ZDHHC15: variants seen among roughly 807,000 people sequenced by gnomAD.
The protein encoded by ZDHHC15 is zDHHC palmitoyltransferase 15, also known as palmitoyltransferase ZDHHC15.
In ZDHHC15, 19 loss-of-function variants were observed where a neutral mutation model predicts 31.7. That is an observed-to-expected ratio of 0.60 (90% CI 0.42 to 0.88). The LOEUF is 0.88. ZDHHC15 is among the 40% of genes least tolerant of loss of function. The pLI is 0.00. For missense variants in ZDHHC15, 209 were observed against 251.2 expected (o/e 0.83, Z 1.14); for synonymous variants, 103 against 90.0 (o/e 1.14, Z -0.82).
chrX:75,392,425 G>A (rs1464233774), intron 10 of ZDHHC15, among the ~76,000 whole-genome samples: 2 of 111,646 alleles, frequency 1.8e-5, no homozygotes, highest in Non-Finnish European at 3.8e-5. Flanking sequence ...ATCTCCTTTG[G>A]CAACACTGTC....
Position 75,384,272 on chromosome X carries a change from A to G in ZDHHC15, c.968-5074T>C, listed in dbSNP as rs904005814. On this transcript the variant is annotated intron_variant, in intron 10 of 11. Coordinates refer to ENST00000373367, the MANE Select transcript of ZDHHC15 (RefSeq NM_144969.3). ...GTAAAATGTTAGTATAGGCCAAGGT[A>G]TCTTGAATTCCTATATAGAAAGCTG... 1.3e-5 allele frequency: 7 copies of G among 533,230 alleles called. No individual in the cohort carries two copies. The African/African-American group carries it at 1.6e-4, about 12-fold the overall frequency. The allele number at this position is 533,230 out of a possible 1,213,427, so 43.9% of individuals were successfully genotyped here.
intron 2 of ZDHHC15, among the ~76,000 whole-genome samples, chrX:75,487,729 A>G (rs1411422925): frequency 8.9e-6 from 1 of 112,256 alleles, no homozygotes; most frequent in East Asian, 2.8e-4. Flanking sequence ...TTATTAAGCT[A>G]CTCAAGGAGG....
At chrX:75,464,021 A>C (rs1276938394) in intron 3 of ZDHHC15, among the ~76,000 whole-genome samples, 1 of 111,962 alleles carries the variant, frequency 8.9e-6, no homozygotes, top group African/African-American at 3.3e-5. Flanking sequence ...AAAAGCAAAG[A>C]CTTGGAACCA....
At chrX:75,519,739 A>G (rs2085417572) in intron 1 of ZDHHC15, among the ~76,000 whole-genome samples, 1 of 112,009 alleles carries the variant, frequency 8.9e-6, no homozygotes, top group Non-Finnish European at 1.9e-5. Context: ...CTGGATTTCC[A>G]ACTCTTCACT....
intron 9 of ZDHHC15, among the ~76,000 whole-genome samples, chrX:75,419,752 T>C (rs1174325489): frequency 1.8e-5 from 2 of 108,894 alleles, no homozygotes; most frequent in Non-Finnish European, 1.9e-5. Context: ...ATATACACCA[T>C]GGAATACTAT....
At chrX:75,423,657 T>G (rs2083677017) in intron 8 of ZDHHC15, among the ~76,000 whole-genome samples, 1 of 103,610 alleles carries the variant, frequency 9.7e-6, no homozygotes, top group Admixed American at 1.1e-4. Context: ...CAGCTAATTA[T>G]TTTTATTTTT....
At chrX:75,405,144 G>A (rs961124326) in intron 10 of ZDHHC15, among the ~76,000 whole-genome samples, 6 of 111,566 alleles carry the variant, frequency 5.4e-5, no homozygotes, top group African/African-American at 2.0e-4. Flanking sequence ...ACCAAATACT[G>A]CATGTTCTCA....
rs144863899 is a variant in ZDHHC15, at chrX:75,500,049, A to G, written c.163+5772T>C. ...CTCAGAAATAGAAAACCAAACATCT[A>G]TGTTTTCAGTTATAAGTGGGAGCTA... On this transcript the variant is annotated intron_variant, in intron 2 of 11. Transcript: ENST00000373367. 8.5e-3 allele frequency among the ~76,000 whole-genome samples: 943 copies of G among 111,354 alleles called. 14 individuals carry two copies. Among genetic ancestry groups the G allele is most frequent in the African/African-American group, 0.03 (908 of 30,703 alleles).
intron 2 of ZDHHC15, among the ~76,000 whole-genome samples, chrX:75,492,263 G>A (rs2148013560): frequency 9.0e-6 from 1 of 111,588 alleles, no homozygotes; most frequent in Admixed American, 9.5e-5. Flanking sequence ...CAATACAGGA[G>A]CACCCAGATT....
At chrX:75,475,507 G>T (rs1396256533) in intron 3 of ZDHHC15, among the ~76,000 whole-genome samples, 1 of 112,038 alleles carries the variant, frequency 8.9e-6, no homozygotes, top group Non-Finnish European at 1.9e-5. Context: ...TTTTAGCATG[G>T]TTGTTGAAGA....
Position 75,494,293 on chromosome X carries a change from C to T in ZDHHC15, c.163+11528G>A, listed in dbSNP as rs1186912966. 1.8e-5 allele frequency among the ~76,000 whole-genome samples: 2 copies of T among 111,485 alleles called. 1 individual carries two copies. The highest frequency in any genetic ancestry group is 6.5e-5 in the African/African-American group (2 of 30,646). ...TCAATGAAATAAAAGAGGATACAAA[C>T]AAATGGAAGAACATTCCATGCTCAT... is the stretch of plus-strand genomic sequence containing the variant. On this transcript the variant is annotated intron_variant, in intron 2 of 11. Transcript: ENST00000373367.
At chrX:75,408,872 TA>T (rs1441109786) in intron 10 of ZDHHC15, among the ~76,000 whole-genome samples, 1 of 112,001 alleles carries the variant, frequency 8.9e-6, no homozygotes, top group Admixed American at 9.4e-5. Flanking sequence ...ATAAAATACC[TA>T]GGAATTAATT....
chrX:75,464,633 C>A (rs1026548626), intron 3 of ZDHHC15, among the ~76,000 whole-genome samples: 5 of 110,879 alleles, frequency 4.5e-5, no homozygotes, highest in Non-Finnish European at 9.4e-5. Context: ...TGGCTTCATC[C>A]CCAGATACAA....
chrX:75,489,528 G>T (rs1380180759), intron 2 of ZDHHC15, among the ~76,000 whole-genome samples: 2 of 112,039 alleles, frequency 1.8e-5, no homozygotes, highest in Non-Finnish European at 3.8e-5. Flanking sequence ...GCAGCTGAGG[G>T]TCCTCACTGT....
At chrX:75,501,272 A>G (rs1247691453) in intron 2 of ZDHHC15, among the ~76,000 whole-genome samples, 1 of 111,321 alleles carries the variant, frequency 9.0e-6, no homozygotes, top group Non-Finnish European at 1.9e-5. Flanking sequence ...TGTTCCCACA[A>G]AAGACATGAT....
At chrX:75,377,550 T>A (rs1360745106) in intron 11 of ZDHHC15, among the ~76,000 whole-genome samples, 3 of 110,615 alleles carry the variant, frequency 2.7e-5, no homozygotes, top group Non-Finnish European at 3.8e-5. Context: ...ACAAAATGAA[T>A]CACTTTATTA....
chrX:75,408,395 A>G (rs923842482), intron 10 of ZDHHC15, among the ~76,000 whole-genome samples: 10 of 111,298 alleles, frequency 9.0e-5, no homozygotes, highest in African/African-American at 3.3e-4. Flanking sequence ...TTGATAGAAT[A>G]CAAGTTCCCT....
At chrX:75,463,708 C>T (rs957037733) in intron 3 of ZDHHC15, among the ~76,000 whole-genome samples, 22 of 111,641 alleles carry the variant, frequency 2.0e-4, no homozygotes, top group Non-Finnish European at 4.1e-4. Context: ...TCATCACTGG[C>T]CATCAGAGAA....
chrX:75,443,055 T>C (rs1341394225), intron 4 of ZDHHC15, among the ~76,000 whole-genome samples: 2 of 109,278 alleles, frequency 1.8e-5, no homozygotes, highest in Non-Finnish European at 3.8e-5. Flanking sequence ...AATTTATAGA[T>C]TCAATGCCAT....
Sources: gnomAD v4.1 joint callset for allele counts (sites outside exome capture counted in the v4.1 genomes callset) on GRCh38, gnomAD v4.1.1 for gene constraint, MANE v1.5 for transcripts, NCBI Gene and HGNC (gene_info 2026-07-23, HGNC 2026-07-21) for gene names.